CHRM3: variants seen among roughly 807,000 people sequenced by gnomAD.
CHRM3 encodes the protein muscarinic acetylcholine receptor M3.
A neutral mutation model predicts 41.8 loss-of-function variants in CHRM3; 11 were observed. The observed-to-expected ratio is 0.26, with a 90% CI of 0.17 to 0.44. CHRM3 has a LOEUF of 0.44. Among genes scored for constraint, CHRM3 ranks in the 20% least tolerant of loss-of-function variants. The pLI, the probability that CHRM3 is intolerant of heterozygous loss-of-function variation, is 1.00. For missense variants in CHRM3, 571 were observed against 745.4 expected (o/e 0.77, Z 2.72); for synonymous variants, 297 against 301.4 (o/e 0.99, Z 0.15).
At chr1:239,815,308 G>A (rs557944747) in intron 5 of CHRM3, among the ~76,000 whole-genome samples, 8 of 152,248 alleles carry the variant, frequency 5.3e-5, no homozygotes, top group African/African-American at 1.2e-4. Flanking sequence ...CTCACCGACC[G>A]GAGGAAATGT....
At chr1:239,746,047 A>C (rs1461012475) in intron 5 of CHRM3, among the ~76,000 whole-genome samples, 1 of 152,206 alleles carries the variant, frequency 6.6e-6, no homozygotes, top group East Asian at 1.9e-4. Context: ...GATTTAACAT[A>C]TGAAAAAGAA....
At chr1:239,759,181 T>TG (rs1666509264) in intron 5 of CHRM3, among the ~76,000 whole-genome samples, 2 of 143,546 alleles carry the variant, frequency 1.4e-5, no homozygotes, top group African/African-American at 5.4e-5. Context: ...TTTTTTTTTT[T>TG]GTTTTTTTTT....
At chr1:239,539,726 G>C (rs868294242) in intron 2 of CHRM3, among the ~76,000 whole-genome samples, 5 of 152,052 alleles carry the variant, frequency 3.3e-5, no homozygotes, top group Admixed American at 1.3e-4. Flanking sequence ...ACCTCCCAAG[G>C]CTCAGGTGAT....
intron 3 of CHRM3, among the ~76,000 whole-genome samples, chr1:239,554,273 A>G (rs1265557237): frequency 6.6e-6 from 1 of 152,232 alleles, no homozygotes. Flanking sequence ...TAGTTTAAAT[A>G]TTTGAAGCCA....
intron 2 of CHRM3, among the ~76,000 whole-genome samples, chr1:239,534,251 G>T (rs1262816733): frequency 6.6e-6 from 1 of 152,124 alleles, no homozygotes; most frequent in Admixed American, 6.5e-5. Context: ...GCTTGAACCC[G>T]GGAGGCAGAA....
chr1:239,406,112 G>A (rs111607669), intron 1 of CHRM3, among the ~76,000 whole-genome samples: 27,842 of 152,038 alleles, frequency 0.18, 3,287 homozygotes, highest in Non-Finnish European at 0.26. Context: ...GGCTGATCTC[G>A]AACTCCTGAC....
chr1:239,572,779 A>T (rs778482379), intron 3 of CHRM3, among the ~76,000 whole-genome samples: 1 of 152,224 alleles, frequency 6.6e-6, no homozygotes, highest in African/African-American at 2.4e-5. Flanking sequence ...CATATGAAAC[A>T]TATTTCATTT....
intron 6 of CHRM3, among the ~76,000 whole-genome samples, chr1:239,868,753 G>A (rs1296276830): frequency 6.6e-6 from 1 of 152,116 alleles, no homozygotes; most frequent in African/African-American, 2.4e-5. Flanking sequence ...TCTCAAACCT[G>A]CCTGAGAAGC....
At chr1:239,735,778 T>A (rs892201802) in intron 5 of CHRM3, among the ~76,000 whole-genome samples, 5 of 152,146 alleles carry the variant, frequency 3.3e-5, no homozygotes, top group Non-Finnish European at 5.9e-5. Context: ...AAAATGCTGA[T>A]AAATTTACAT....
At chr1:239,708,803 A>G (rs1465210243) in intron 5 of CHRM3, among the ~76,000 whole-genome samples, 1 of 104,530 alleles carries the variant, frequency 9.6e-6, no homozygotes, top group Non-Finnish European at 1.8e-5. Flanking sequence ...CTTTCTGCTG[A>G]CTCCTTAGTG....
At chr1:239,519,741 C>CTTTTTTTTTTTTT (rs386370161) in intron 2 of CHRM3, among the ~76,000 whole-genome samples, 1 of 85,066 alleles carries the variant, frequency 1.2e-5, no homozygotes. Context: ...AAAACTAGTT[C>CTTTTTTTTTTTTT]TTTTTTTTTT....
intron 3 of CHRM3, among the ~76,000 whole-genome samples, chr1:239,617,161 A>G (rs565653303): frequency 7.2e-5 from 11 of 152,214 alleles, no homozygotes; most frequent in South Asian, 2.1e-4. Context: ...TTCACAGTCC[A>G]CATCTCAGTT....
At chr1:239,688,095 T>G (rs1378179330) in intron 5 of CHRM3, among the ~76,000 whole-genome samples, 1 of 151,918 alleles carries the variant, frequency 6.6e-6, no homozygotes, top group African/African-American at 2.4e-5. Flanking sequence ...ATTGGGAGTT[T>G]TGATACTTTG....
chr1:239,445,617 G>A (rs182346793), intron 1 of CHRM3, among the ~76,000 whole-genome samples: 6 of 152,238 alleles, frequency 3.9e-5, no homozygotes, highest in Admixed American at 3.9e-4. Flanking sequence ...CTCTTTCCAG[G>A]ATTGTTGTAG....
intron 3 of CHRM3, among the ~76,000 whole-genome samples, chr1:239,613,730 T>C (rs1436230640): frequency 2.0e-5 from 3 of 152,234 alleles, no homozygotes; most frequent in Non-Finnish European, 4.4e-5. Context: ...GTGTTTCTTA[T>C]TCTATTTATC....
Position 239,907,575 on chromosome 1 carries a change from G to A in CHRM3, c.124G>A (p.Val42Ile), listed in dbSNP as rs1254713870. Residue 42 changes from valine (V) to isoleucine (I), a missense_variant, in exon 7 of 7, where the codon GTT becomes ATT. This residue lies in a region of CHRM3 where 92 missense variants were observed against 76.1 expected (regional missense o/e 1.21). Transcript: ENST00000676153. This position sits in a 1 kb window ranked among gnomAD's most constrained non-coding sequence, Gnocchi z 5.4. Reference sequence around the variant, plus strand: ...CGTCACTCATTTCGGCAGCTACAATGTTTCTCGAGCAGCTGGCAATTTCTC... The same window carrying A: ...CGTCACTCATTTCGGCAGCTACAATATTTCTCGAGCAGCTGGCAATTTCTC... The part of the protein sequence containing the change: ...GTVTHFGSYN[V>I]SRAAGNFSSP... 2 of 1,614,148 alleles carry A rather than the reference G, an allele frequency of 1.2e-6. No individual in the cohort carries two copies. Among genetic ancestry groups the A allele is most frequent in the African/African-American group, 1.3e-5 (1 of 75,022 alleles).
Position 239,821,078 on chromosome 1 carries a change from C to T in CHRM3, c.-146-6174C>T, listed in dbSNP as rs190478661. ...TTATTATCCTCTTGTGATGCGCCAT[C>T]CACAACAAAAAGAACTACATGTTCT... On this transcript the variant is annotated intron_variant, in intron 5 of 6. Coordinates refer to ENST00000676153, the MANE Select transcript of CHRM3 (RefSeq NM_001375978.1). Among the ~76,000 whole-genome samples, 79 of 152,262 alleles carry T rather than the reference C, an allele frequency of 5.2e-4. No homozygotes were observed. In the Middle Eastern group the frequency reaches 0.01, roughly 20 times the overall value.
intron 5 of CHRM3, among the ~76,000 whole-genome samples, chr1:239,774,717 A>T (rs1382414686): frequency 6.6e-6 from 1 of 152,210 alleles, no homozygotes; most frequent in Non-Finnish European, 1.5e-5. Flanking sequence ...ATATGGGGGA[A>T]GTCCCTCAAT....
intron 6 of CHRM3, among the ~76,000 whole-genome samples, chr1:239,834,591 T>C (rs539694061): frequency 6.6e-6 from 1 of 152,306 alleles, no homozygotes; most frequent in South Asian, 2.1e-4. Context: ...CCAAATGCTC[T>C]TTATCCTTCT....
Sources: gnomAD v4.1 joint callset for allele counts (sites outside exome capture counted in the v4.1 genomes callset) on GRCh38, gnomAD v4.1.1 for gene constraint, gnomAD v4.1.1 regional missense constraint, Gnocchi (gnomAD v3.1) non-coding constraint, MANE v1.5 for transcripts, NCBI Gene and HGNC (gene_info 2026-07-23, HGNC 2026-07-21) for gene names.